SMYD3: variants seen among roughly 807,000 people sequenced by gnomAD.
SMYD3 encodes the protein histone-lysine N-methyltransferase SMYD3.
SMYD3 carries 36 observed loss-of-function variants against 57.7 expected under a neutral mutation model. The ratio of observed to expected loss-of-function variants is 0.62; its 90% confidence interval spans 0.48 to 0.82. SMYD3 has a LOEUF of 0.82. Among genes scored for constraint, SMYD3 ranks in the 40% least tolerant of loss-of-function variants. The pLI is 0.00. For missense variants in SMYD3, 515 were observed against 538.8 expected, an observed-to-expected ratio of 0.96 and a Z score of 0.44; for synonymous variants, 211 against 195.0, an observed-to-expected ratio of 1.08 and a Z score of -0.68.
At chr1:245,816,150 TACCTG>T (rs1202163922) in intron 10 of SMYD3, among the ~76,000 whole-genome samples, 1 of 152,238 alleles carries the variant, frequency 6.6e-6, no homozygotes, top group Non-Finnish European at 1.5e-5. Context: ...AAGAAGCTCC[TACCTG>T]TCGCTAGCCT....
intron 5 of SMYD3, among the ~76,000 whole-genome samples, chr1:246,289,523 T>C (rs755540878): frequency 3.3e-5 from 5 of 152,200 alleles, no homozygotes; most frequent in Non-Finnish European, 7.4e-5. Flanking sequence ...CTTTGGCATT[T>C]CGTTTTGTAT....
intron 5 of SMYD3, among the ~76,000 whole-genome samples, chr1:246,261,356 T>A (rs1197153272): frequency 6.9e-6 from 1 of 145,058 alleles, no homozygotes; most frequent in Admixed American, 7.2e-5. Context: ...CGCACCCAGC[T>A]CTCTTTGTTT....
chr1:246,174,204 C>CATTTGATATAT (rs1257279377), intron 5 of SMYD3, among the ~76,000 whole-genome samples: 1 of 152,146 alleles, frequency 6.6e-6, no homozygotes, highest in Non-Finnish European at 1.5e-5. Context: ...CATTTCTTAT[C>CATTTGATATAT]ACTATCAAGT....
At chr1:245,806,678 A>G (rs913140921) in intron 10 of SMYD3, among the ~76,000 whole-genome samples, 1 of 152,036 alleles carries the variant, frequency 6.6e-6, no homozygotes, top group African/African-American at 2.4e-5. Context: ...TGGGAGGCCG[A>G]GGCGGGTGGA....
chr1:245,942,177 G>A (rs1025213737), intron 5 of SMYD3, among the ~76,000 whole-genome samples: 4 of 152,156 alleles, frequency 2.6e-5, no homozygotes, highest in Admixed American at 1.3e-4. Flanking sequence ...AAAAGACACA[G>A]AATGGCAAGC....
At chr1:245,963,861 A>G (rs1441494030) in intron 5 of SMYD3, among the ~76,000 whole-genome samples, 1 of 152,202 alleles carries the variant, frequency 6.6e-6, no homozygotes, top group African/African-American at 2.4e-5. Flanking sequence ...AGAAGCACTG[A>G]GTGAAGCTCA....
intron 1 of SMYD3, among the ~76,000 whole-genome samples, chr1:246,385,022 A>C (rs1182642163): frequency 2.0e-5 from 3 of 152,242 alleles, no homozygotes; most frequent in East Asian, 1.9e-4. Flanking sequence ...TTTAAAAAAA[A>C]TGAAACAAAT....
intron 5 of SMYD3, among the ~76,000 whole-genome samples, chr1:246,100,168 G>A (rs1026271127): frequency 2.0e-5 from 3 of 152,094 alleles, no homozygotes; most frequent in African/African-American, 7.2e-5. Flanking sequence ...CTATGGTTGC[G>A]CCATTGCACT....
intron 1 of SMYD3, among the ~76,000 whole-genome samples, chr1:246,359,973 A>G (rs1182712807): frequency 2.0e-5 from 3 of 152,164 alleles, no homozygotes; most frequent in African/African-American, 7.2e-5. Context: ...CAATCAGACA[A>G]GAGAAAGAAA....
intron 5 of SMYD3, among the ~76,000 whole-genome samples, chr1:246,148,185 C>T (rs543727859): frequency 6.6e-6 from 1 of 152,212 alleles, no homozygotes; most frequent in Admixed American, 6.5e-5. Flanking sequence ...ATGGGCCAAT[C>T]GGCAGGAACT....
intron 5 of SMYD3, among the ~76,000 whole-genome samples, chr1:246,122,388 C>T (rs2061437828): frequency 6.6e-6 from 1 of 152,174 alleles, no homozygotes; most frequent in Admixed American, 6.5e-5. Flanking sequence ...CACTGCACTC[C>T]AGCCTAAGCA....
chr1:246,251,550 G>A (rs2063801331), intron 5 of SMYD3, among the ~76,000 whole-genome samples: 1 of 70,228 alleles, frequency 1.4e-5, no homozygotes, highest in Non-Finnish European at 2.7e-5. Flanking sequence ...CGGACACTGT[G>A]CCCGGCTTTA....
At chr1:245,838,131 G>C (rs1239565511) in intron 10 of SMYD3, among the ~76,000 whole-genome samples, 4 of 152,244 alleles carry the variant, frequency 2.6e-5, no homozygotes, top group African/African-American at 9.6e-5. Context: ...AAAAGATGCA[G>C]TATTTCTTTT....
chr1:246,413,146 C>T (rs2102988313), intron 1 of SMYD3, among the ~76,000 whole-genome samples: 1 of 152,266 alleles, frequency 6.6e-6, no homozygotes, highest in African/African-American at 2.4e-5. Context: ...TAACTTCATA[C>T]CAAGAACTGT....
chr1:246,324,676 A>G (rs1447630158), intron 5 of SMYD3, among the ~76,000 whole-genome samples: 3 of 151,474 alleles, frequency 2.0e-5, no homozygotes, highest in Non-Finnish European at 4.4e-5. Flanking sequence ...TGACTTTTGA[A>G]TTTTCGCTGT....
chr1:246,103,669 G>A (rs1181450965), intron 5 of SMYD3, among the ~76,000 whole-genome samples: 12 of 152,074 alleles, frequency 7.9e-5, no homozygotes, highest in African/African-American at 4.8e-5. Context: ...CTCTTTATGC[G>A]CCTGGGCTCT....
intron 5 of SMYD3, among the ~76,000 whole-genome samples, chr1:246,061,313 C>T (rs1572962085): frequency 6.6e-6 from 1 of 152,048 alleles, no homozygotes; most frequent in East Asian, 1.9e-4. Context: ...TGGTAGGTAC[C>T]ATATGACTAT....
intron 5 of SMYD3, among the ~76,000 whole-genome samples, chr1:246,167,324 T>C (rs1011797340): frequency 6.6e-6 from 1 of 152,146 alleles, no homozygotes; most frequent in African/African-American, 2.4e-5. Flanking sequence ...GGGTCATACA[T>C]CAACTTTTTA....
At chr1:245,970,593 G>C (rs2058273025) in intron 5 of SMYD3, among the ~76,000 whole-genome samples, 1 of 151,764 alleles carries the variant, frequency 6.6e-6, no homozygotes, top group African/African-American at 2.4e-5. Flanking sequence ...AATCTACAAG[G>C]AACTTAAATT....
Sources: gnomAD v4.1 joint callset for allele counts (sites outside exome capture counted in the v4.1 genomes callset) on GRCh38, gnomAD v4.1.1 for gene constraint, MANE v1.5 for transcripts, NCBI Gene and HGNC (gene_info 2026-07-23, HGNC 2026-07-21) for gene names.